The following CNKSR2 variants were observed in gnomAD, a reference collection of about 807,000 sequenced individuals.
The protein encoded by CNKSR2 is CNK homolog protein 2.
In CNKSR2, 14 loss-of-function variants were observed where a neutral mutation model predicts 84.4. That is an observed-to-expected ratio of 0.17 (90% CI 0.11 to 0.26). CNKSR2 has a LOEUF of 0.26. CNKSR2 is among the 10% of genes least tolerant of loss of function. The probability of loss-of-function intolerance (pLI) is 1.00; values close to 1 mark genes in which losing one functional copy is unlikely to be tolerated. For synonymous variants in CNKSR2, 275 were observed against 277.9 expected, an observed-to-expected ratio of 0.99 and a Z score of 0.10; for missense variants, 485 against 771.2, an observed-to-expected ratio of 0.63 and a Z score of 4.40.
intron 13 of CNKSR2, among the ~76,000 whole-genome samples, chrX:21,582,229 A>G (rs2147231794): frequency 8.9e-6 from 1 of 112,403 alleles, no homozygotes; most frequent in East Asian, 2.8e-4. Context: ...AGAGCAATAT[A>G]ACTTGCTAAT....
chrX:21,453,053 A>G (rs1022001273), intron 4 of CNKSR2, among the ~76,000 whole-genome samples: 1 of 110,087 alleles, frequency 9.1e-6, no homozygotes, highest in Non-Finnish European at 1.9e-5. Context: ...CCTGGAAAAT[A>G]TGAGTAATAA....
intron 1 of CNKSR2, chrX:21,424,273 G>A (rs185172113): frequency 2.6e-4 from 29 of 111,834 alleles, no homozygotes; most frequent in African/African-American, 9.1e-4. Context: ...CAATCCCGTA[G>A]TCTGTCTGGC....
chrX:21,548,756 G>T (rs759559394), intron 11 of CNKSR2, among the ~76,000 whole-genome samples: 2 of 112,038 alleles, frequency 1.8e-5, no homozygotes, highest in Non-Finnish European at 3.8e-5. Context: ...GGGATGCAAG[G>T]CTTGTTCAAC....
At chrX:21,536,304 AT>A (rs2091927483) in intron 11 of CNKSR2, among the ~76,000 whole-genome samples, 1 of 111,121 alleles carries the variant, frequency 9.0e-6, no homozygotes, top group Non-Finnish European at 1.9e-5. Flanking sequence ...CATGAGGGAT[AT>A]TGGTCTGTAG....
In CNKSR2 at chrX:21,652,898, T is replaced by C. The variant is rs2092724193; in HGVS notation, c.*377T>C. On this transcript the variant is annotated 3_prime_UTR_variant, in exon 22 of 22. Transcript: ENST00000379510. ...ACAAGACTTCAAAAGTAAATCACAT[T>C]TTTTCAGGTGCAGACATCCTTGTGG... is the stretch of plus-strand genomic sequence containing the variant. The C allele has an allele frequency of 8.1e-6, 1 of 123,076 alleles. No individual in the cohort carries two copies. Among genetic ancestry groups the C allele is most frequent in the East Asian group, 2.4e-4 (1 of 4,105 alleles). 10.1% of individuals were successfully genotyped at this position (123,076 alleles called of 1,213,427 possible).
intron 10 of CNKSR2, among the ~76,000 whole-genome samples, chrX:21,529,354 C>T (rs1378948241): frequency 9.0e-6 from 1 of 111,051 alleles, no homozygotes; most frequent in Non-Finnish European, 1.9e-5. Flanking sequence ...AACACAGTTT[C>T]ATTATCATTA....
chrX:21,623,695 TATA>T (rs1474276748), intron 20 of CNKSR2, among the ~76,000 whole-genome samples: 13 of 111,723 alleles, frequency 1.2e-4, no homozygotes, highest in Non-Finnish European at 2.3e-4. Context: ...AAACAAAACA[TATA>T]ATAGGTACTT....
intron 20 of CNKSR2, among the ~76,000 whole-genome samples, chrX:21,639,368 A>T (rs2092684502): frequency 8.9e-6 from 1 of 112,017 alleles, no homozygotes; most frequent in South Asian, 3.7e-4. Flanking sequence ...CTGGCTCGCC[A>T]GTACACGTAT....
chrX:21,411,637 T>G (rs957215530), intron 1 of CNKSR2, among the ~76,000 whole-genome samples: 3 of 110,823 alleles, frequency 2.7e-5, no homozygotes, highest in Admixed American at 9.6e-5. Context: ...CTTTCCTCCC[T>G]CTTTGGCTAG....
At position 21,563,400 on chromosome X, in the gene CNKSR2, C is replaced by T; in HGVS notation, c.1556C>T (p.Ala519Val). 1 of 1,210,359 alleles carries T rather than the reference C, an allele frequency of 8.3e-7. No homozygotes were observed. Among genetic ancestry groups the T allele is most frequent in the Non-Finnish European group, 1.1e-6 (1 of 894,474 alleles). ...TTGCTACCTAGTTTACAAATGGATGCACTGAGACAAGACATCATGGGCACT... is the reference window on the plus strand; with the variant it reads ...TTGCTACCTAGTTTACAAATGGATGTACTGAGACAAGACATCATGGGCACT... Reference protein sequence around the residue: ...YSLLPSLQMDALRQDIMGTPV... With the variant: ...YSLLPSLQMDVLRQDIMGTPV... The change falls in exon 13 of 22, where the codon GCA becomes GTA. Residue 519 changes from alanine to valine, a missense_variant. Physicochemically the swap from Ala to Val is moderately conservative, Grantham distance 64. Transcript: ENST00000379510.
At chrX:21,611,987 G>A (rs1033870149) in intron 20 of CNKSR2, among the ~76,000 whole-genome samples, 2 of 112,024 alleles carry the variant, frequency 1.8e-5, no homozygotes, top group Non-Finnish European at 1.9e-5. Context: ...TAACAGAGTA[G>A]TGCATTCATC....
chrX:21,438,035 G>A (rs945786502), intron 3 of CNKSR2, among the ~76,000 whole-genome samples: 2 of 111,640 alleles, frequency 1.8e-5, no homozygotes, highest in Admixed American at 1.9e-4. Context: ...TTTAGGAGTA[G>A]GAATAGATAA....
At chrX:21,388,329 T>C (rs761068585) in intron 1 of CNKSR2, among the ~76,000 whole-genome samples, 1 of 112,246 alleles carries the variant, frequency 8.9e-6, no homozygotes, top group South Asian at 3.6e-4. Context: ...AAAACAAATA[T>C]TAGGAGAAAT....
chrX:21,546,242 C>A (rs778822149), intron 11 of CNKSR2, among the ~76,000 whole-genome samples: 2 of 108,884 alleles, frequency 1.8e-5, no homozygotes, highest in Admixed American at 2.0e-4. Context: ...CCTGATGGAG[C>A]TGAAAAACAC....
chrX:21,463,880 G>A (rs2091092694), intron 4 of CNKSR2, among the ~76,000 whole-genome samples: 1 of 111,508 alleles, frequency 9.0e-6, no homozygotes, highest in South Asian at 3.8e-4. Context: ...AAAGGAAGGG[G>A]CCTTCTTTGG....
At chrX:21,456,243 C>T (rs2090993743) in intron 4 of CNKSR2, among the ~76,000 whole-genome samples, 1 of 111,243 alleles carries the variant, frequency 9.0e-6, no homozygotes. Flanking sequence ...CACTTGAAAT[C>T]TACTCTCTTA....
chrX:21,536,482 C>G (rs2091929081), intron 11 of CNKSR2, among the ~76,000 whole-genome samples: 2 of 110,823 alleles, frequency 1.8e-5, no homozygotes, highest in Non-Finnish European at 3.8e-5. Context: ...ATGAAGCCAG[C>G]AATGAAGTCA....
intron 10 of CNKSR2, among the ~76,000 whole-genome samples, chrX:21,529,373 A>G (rs1237874234): frequency 2.7e-5 from 3 of 111,240 alleles, no homozygotes; most frequent in Non-Finnish European, 3.8e-5. Flanking sequence ...TATATATAGT[A>G]CATTTCTGTA....
chrX:21,598,287 T>C (rs894930912), intron 17 of CNKSR2, among the ~76,000 whole-genome samples: 6 of 111,519 alleles, frequency 5.4e-5, no homozygotes, highest in Admixed American at 4.8e-4. Context: ...TTCTGAAGAC[T>C]TATTTACTGA....
Sources: gnomAD v4.1 joint callset for allele counts (sites outside exome capture counted in the v4.1 genomes callset) on GRCh38, gnomAD v4.1.1 for gene constraint, MANE v1.5 for transcripts, NCBI Gene and HGNC (gene_info 2026-07-23, HGNC 2026-07-21) for gene names.